The following CPA4 variants were observed in gnomAD, a reference collection of about 807,000 sequenced individuals.
CPA4 encodes carboxypeptidase A4.
A neutral mutation model predicts 54.7 loss-of-function variants in CPA4; 49 were observed. The observed-to-expected ratio is 0.90, with a 90% CI of 0.71 to 1.14. The LOEUF (loss-of-function observed/expected upper bound fraction) is 1.14. CPA4 is among the 50% of genes most tolerant of loss of function. CPA4 has a pLI of 0.00. For synonymous variants in CPA4, 215 were observed against 206.8 expected (o/e 1.04, Z -0.34); for missense variants, 487 against 525.1 (o/e 0.93, Z 0.71).
chr7:130,311,875 C>T (rs145113724), intron 9 of CPA4, among the ~76,000 whole-genome samples, 163 bp from the exon 10 acceptor site: 5 of 152,288 alleles, frequency 3.3e-5, no homozygotes, highest in African/African-American at 1.2e-4. Context: ...CCACCTCCCT[C>T]AGTTTACAGT....
intron 10 of CPA4, among the ~76,000 whole-genome samples, chr7:130,314,347 T>G (rs1793957207): frequency 6.6e-6 from 1 of 151,846 alleles, no homozygotes; most frequent in East Asian, 1.9e-4. Flanking sequence ...TTGTAGGGAG[T>G]CGTAATAGGT....
chr7:130,312,657 A>G (rs1049838301), intron 10 of CPA4, among the ~76,000 whole-genome samples: 3 of 152,132 alleles, frequency 2.0e-5, no homozygotes, highest in Non-Finnish European at 4.4e-5. Flanking sequence ...TTCTTGTAAG[A>G]GTTAAAGAAA....
chr7:130,293,212 T>A lies in CPA4; in HGVS notation c.32T>A (p.Ile11Asn). Reference protein sequence around the residue: MRWILFIGALIGSSICGQEKF... With the variant: MRWILFIGALNGSSICGQEKF... The stretch of plus-strand genomic sequence containing the variant: ...TGGATACTGTTCATTGGGGCCCTTA[T>A]TGGGTCCAGCATCTGTGGCCAAGAA... Residue 11 changes from isoleucine (I) to asparagine (N), a missense_variant, in exon 1 of 11, where the codon ATT (isoleucine) becomes AAT (asparagine). Physicochemically the swap from Ile to Asn is moderately radical, Grantham distance 149. Coordinates refer to ENST00000222482, the MANE Select transcript of CPA4 (RefSeq NM_016352.4). The A allele has an allele frequency of 6.2e-7, 1 of 1,612,808 alleles. No homozygotes were observed. Among genetic ancestry groups the A allele is most frequent in the Non-Finnish European group, 8.5e-7 (1 of 1,178,798 alleles).
rs374039367 is a variant in CPA4, at chr7:130,304,524, C to T, written c.431C>T (p.Ala144Val). Residue 144 changes from alanine to valine, a missense_variant, in exon 5 of 11, where the codon GCG (alanine) becomes GTG (valine). Transcript: ENST00000222482. Reference protein sequence around the residue: ...DNIAADFPDLARRVKIGHSFE... With the variant: ...DNIAADFPDLVRRVKIGHSFE... ...ATTGCCGCAGACTTTCCTGACCTGG[C>T]GAGGAGGGTGAAGATTGGACATTCG... 2.0e-5 allele frequency: 32 copies of T among 1,613,480 alleles called. No individual in the cohort carries two copies. The highest frequency in any genetic ancestry group is 4.0e-5 in the African/African-American group (3 of 75,000).
In CPA4 at chr7:130,310,228, A is replaced by G. The variant is rs574473410; in HGVS notation, c.794-559A>G. ...CCACCACTGGGGTGGTTTCAGTCAC[A>G]TTCATACACACACACACGCACACAC... is the stretch of plus-strand genomic sequence containing the variant. On this transcript the variant is annotated intron_variant, in intron 8 of 10. Coordinates refer to ENST00000222482, the MANE Select transcript of CPA4 (RefSeq NM_016352.4). The surrounding 1 kb of genome is among the most constrained non-coding windows in gnomAD (Gnocchi z 4.3). Among the ~76,000 whole-genome samples, 1 of 150,778 alleles carries G rather than the reference A, an allele frequency of 6.6e-6. No individual in the cohort carries two copies. Among genetic ancestry groups the G allele is most frequent in the African/African-American group, 2.5e-5 (1 of 40,166 alleles).
rs751851246 is a variant in CPA4, at chr7:130,304,523, G to T, written c.430G>T (p.Ala144Ser). Residue 144 changes from alanine to serine, a missense_variant, in exon 5 of 11, where the codon GCG (alanine) becomes TCG (serine). By Grantham distance (99) the Ala-to-Ser change is moderately conservative (BLOSUM62 1). Transcript: ENST00000222482. ...CATTGCCGCAGACTTTCCTGACCTG[G>T]CGAGGAGGGTGAAGATTGGACATTC... ...DNIAADFPDLARRVKIGHSFE... is the reference protein window; with the variant it reads ...DNIAADFPDLSRRVKIGHSFE... The T allele has an allele frequency of 1.2e-6, 2 of 1,613,830 alleles. No individual in the cohort carries two copies. The highest frequency in any genetic ancestry group is 2.2e-5 in the South Asian group (2 of 91,074).
At chr7:130,293,290 A>G (rs1356750313) in intron 1 of CPA4, 42 bp downstream of exon 1, 1 of 1,136,534 alleles carries the variant, frequency 8.8e-7, no homozygotes, top group Non-Finnish European at 1.3e-6. Flanking sequence ...TTTCAGAAAT[A>G]TGGGAGCCAA....
rs1180539406 is a variant in CPA4, at chr7:130,324,030, C to T, written c.*1354C>T. The T allele has an allele frequency of 7.0e-6, 1 of 143,120 alleles. No individual in the cohort carries two copies. Among genetic ancestry groups the T allele is most frequent in the Non-Finnish European group, 1.5e-5 (1 of 66,136 alleles). The allele number at this position is 143,120 out of a possible 1,614,324, so 8.9% of individuals were successfully genotyped here. A position where few individuals can be genotyped will look rare whatever the true frequency, so the allele number is the denominator to read the frequency against. On this transcript the variant is annotated 3_prime_UTR_variant, in exon 11 of 11. Transcript: ENST00000222482. ...ACCAGCTGCCTCTTGTTTCATTTCA[C>T]CTCAGCACGTACCATCTGTCCTTTT...
intron 5 of CPA4, among the ~76,000 whole-genome samples, chr7:130,305,233 C>A (rs1230076344): frequency 2.0e-5 from 3 of 152,158 alleles, no homozygotes; most frequent in African/African-American, 7.2e-5. Context: ...AGCAAATTAC[C>A]AGTGGGAGAG....
At chr7:130,321,448 A>G (rs970900328) in intron 10 of CPA4, among the ~76,000 whole-genome samples, 9 of 152,146 alleles carry the variant, frequency 5.9e-5, no homozygotes, top group Non-Finnish European at 1.3e-4. Context: ...CAGGAATTCA[A>G]TGGTTTAGCT....
At position 130,294,064 on chromosome 7, in the gene CPA4, G is replaced by A. The variant is rs557646495; in HGVS notation, c.68+816G>A. Among the ~76,000 whole-genome samples, 3 of 152,266 alleles carry A rather than the reference G, an allele frequency of 2.0e-5. No individual in the cohort carries two copies. The South Asian group carries it at 6.2e-4, about 32-fold the overall frequency. On this transcript the variant is annotated intron_variant, in intron 1 of 10. Transcript: ENST00000222482. ...CATAATACTTTACCATTTGCAAAGA[G>A]CTTTCATGTACATTATCTTTTTGAT... is the stretch of plus-strand genomic sequence containing the variant.
intron 6 of CPA4, 61 bp downstream of exon 6, chr7:130,305,981 C>A: frequency 7.1e-7 from 1 of 1,413,230 alleles, no homozygotes; most frequent in Non-Finnish European, 1.0e-6. Context: ...TGCAGCATGC[C>A]ATGTGGCTGG....
chr7:130,317,456 C>T (rs909444371), intron 10 of CPA4, among the ~76,000 whole-genome samples: 1 of 152,084 alleles, frequency 6.6e-6, no homozygotes, highest in East Asian at 1.9e-4. Flanking sequence ...GGGTGGTGCC[C>T]TCCTTTTATT....
At chr7:130,296,110 T>C (rs1793644629) in intron 1 of CPA4, among the ~76,000 whole-genome samples, 1 of 152,142 alleles carries the variant, frequency 6.6e-6, no homozygotes, top group South Asian at 2.1e-4. Context: ...GTCCTAAAGA[T>C]TAGATGGGAC....
intron 6 of CPA4, 114 bp downstream of exon 6, chr7:130,306,034 C>A: frequency 1.2e-6 from 1 of 808,092 alleles, no homozygotes; most frequent in Admixed American, 2.1e-5. Context: ...AAGACCCAGT[C>A]GGCTGGGGGG....
chr7:130,319,562 A>G (rs868218005), intron 10 of CPA4, among the ~76,000 whole-genome samples: 1 of 152,244 alleles, frequency 6.6e-6, no homozygotes. Flanking sequence ...GCACAGGGGA[A>G]TCACAGGAGA....
At chr7:130,298,230 G>A (rs937790374) in intron 1 of CPA4, among the ~76,000 whole-genome samples, 3 of 152,236 alleles carry the variant, frequency 2.0e-5, no homozygotes, top group Non-Finnish European at 4.4e-5. Context: ...TGGAGGTTCC[G>A]TCAGGGTTTC....
chr7:130,314,349 G>A (rs900465345), intron 10 of CPA4, among the ~76,000 whole-genome samples: 9 of 152,222 alleles, frequency 5.9e-5, no homozygotes, highest in African/African-American at 1.2e-4. Flanking sequence ...GTAGGGAGTC[G>A]TAATAGGTTT....
intron 10 of CPA4, among the ~76,000 whole-genome samples, chr7:130,319,177 C>A (rs1472929217): frequency 6.6e-6 from 1 of 152,194 alleles, no homozygotes; most frequent in Non-Finnish European, 1.5e-5. Flanking sequence ...GGCCAACAGC[C>A]TCTAGCAACC....
Sources: gnomAD v4.1 joint callset for allele counts (sites outside exome capture counted in the v4.1 genomes callset) on GRCh38, gnomAD v4.1.1 for gene constraint, Gnocchi (gnomAD v3.1) non-coding constraint, MANE v1.5 for transcripts, NCBI Gene and HGNC (gene_info 2026-07-23, HGNC 2026-07-21) for gene names.